Variants in SNRPD1 observed in about 807,000 individuals in gnomAD.
SNRPD1 encodes small nuclear ribonucleoprotein D1 polypeptide.
SNRPD1 carries 1 observed loss-of-function variant against 14.4 expected under a neutral mutation model. The observed-to-expected ratio is 0.07, with a 90% CI of 0.02 to 0.33. The LOEUF (loss-of-function observed/expected upper bound fraction) is 0.33, where lower values mean the gene tolerates loss of function less well. SNRPD1 is among the 10% of genes least tolerant of loss of function. The probability of loss-of-function intolerance (pLI) is 1.00; values close to 1 mark genes in which losing one functional copy is unlikely to be tolerated. For missense variants in SNRPD1, 52 were observed against 146.4 expected (o/e 0.36, Z 3.33); for synonymous variants, 42 against 50.3 (o/e 0.83, Z 0.70).
intron 1 of SNRPD1, among the ~76,000 whole-genome samples, chr18:21,620,559 T>C (rs1041405355): frequency 2.6e-5 from 4 of 152,204 alleles, no homozygotes; most frequent in African/African-American, 9.6e-5. Context: ...AAGACAGATT[T>C]GTGCCTTACA....
intron 3 of SNRPD1, among the ~76,000 whole-genome samples, chr18:21,628,371 T>G (rs2039056040): frequency 6.6e-6 from 1 of 152,104 alleles, no homozygotes; most frequent in Non-Finnish European, 1.5e-5. Context: ...GACCCTGTAT[T>G]TAAAAAACAA....
chr18:21,632,159 G>A lies in SNRPD1; in HGVS notation c.*3021G>A, dbSNP rs1436359902. 2 of 152,042 alleles carry A rather than the reference G, an allele frequency of 1.3e-5. No individual in the cohort carries two copies. Among genetic ancestry groups the A allele is most frequent in the African/African-American group, 4.8e-5 (2 of 41,420 alleles). The allele number at this position is 152,042 out of a possible 1,614,324, so 9.4% of individuals were successfully genotyped here. A position where few individuals can be genotyped will look rare whatever the true frequency, so the allele number is the denominator to read the frequency against. On this transcript the variant is annotated 3_prime_UTR_variant, in exon 4 of 4. Coordinates refer to ENST00000300413, the MANE Select transcript of SNRPD1 (RefSeq NM_006938.4). ...AAATGAAAATGGCCACTTAGCATAA[G>A]AGATCTAAAATTACGTTTTGTCCTG...
intron 3 of SNRPD1, among the ~76,000 whole-genome samples, chr18:21,628,422 A>C (rs2039056436): frequency 6.6e-6 from 1 of 152,162 alleles, no homozygotes; most frequent in Non-Finnish European, 1.5e-5. Context: ...CTATGTCAAG[A>C]TTTTCTAATA....
intron 1 of SNRPD1, among the ~76,000 whole-genome samples, chr18:21,620,948 G>C (rs1052406349): frequency 6.6e-6 from 1 of 152,046 alleles, no homozygotes; most frequent in Non-Finnish European, 1.5e-5. Context: ...TGGATCACGA[G>C]GTCAGAAGAT....
In SNRPD1 at chr18:21,633,127, G is replaced by A. The variant is rs570000488; in HGVS notation, c.*3989G>A. Reference sequence around the variant, plus strand: ...GGCCTCCCAAAGTGCTGGGATTACAGGCGTGAGCCACCGCGTCCGGCCGAA... The same window carrying A: ...GGCCTCCCAAAGTGCTGGGATTACAAGCGTGAGCCACCGCGTCCGGCCGAA... On this transcript the variant is annotated 3_prime_UTR_variant, in exon 4 of 4. Transcript: ENST00000300413. 1 of 152,242 alleles carries A rather than the reference G, an allele frequency of 6.6e-6. No individual in the cohort carries two copies. Among genetic ancestry groups the A allele is most frequent in the East Asian group, 1.9e-4 (1 of 5,184 alleles). The allele number at this position is 152,242 out of a possible 1,614,324, so 9.4% of individuals were successfully genotyped here. A position where few individuals can be genotyped will look rare whatever the true frequency, so the allele number is the denominator to read the frequency against.
At chr18:21,612,890 A>T (rs2038929739) in intron 1 of SNRPD1, among the ~76,000 whole-genome samples, 1 of 152,170 alleles carries the variant, frequency 6.6e-6, no homozygotes, top group Non-Finnish European at 1.5e-5. Context: ...TTAAATAAAG[A>T]TGGTGTCTCA....
At chr18:21,620,464 C>T (rs1162398612) in intron 1 of SNRPD1, among the ~76,000 whole-genome samples, 3 of 151,924 alleles carry the variant, frequency 2.0e-5, no homozygotes, top group Non-Finnish European at 4.4e-5. Flanking sequence ...AAGGGGAGAA[C>T]GGAAATTTAG....
At chr18:21,624,892 A>T (rs556772900) in intron 3 of SNRPD1, among the ~76,000 whole-genome samples, 46 of 152,180 alleles carry the variant, frequency 3.0e-4, no homozygotes, top group African/African-American at 1.0e-3. Context: ...GTACCCTTTA[A>T]ATCATCTCTA....
chr18:21,628,798 A>G (rs777879357), intron 3 of SNRPD1, among the ~76,000 whole-genome samples: 1 of 151,964 alleles, frequency 6.6e-6, no homozygotes, highest in Non-Finnish European at 1.5e-5. Context: ...TAAATTTGAC[A>G]CATTTCTTAG....
chr18:21,632,855 CTT>C lies in SNRPD1; in HGVS notation c.*3729_*3730del, dbSNP rs1555676180. On this transcript the variant is annotated 3_prime_UTR_variant, in exon 4 of 4. Coordinates refer to ENST00000300413, the MANE Select transcript of SNRPD1 (RefSeq NM_006938.4). ...CTTTTCTTTTCTTTTCTTTTCTTTT[CTT>C]TTTTTTTTTTTGAGACAGAGTCTAG... 14 of 134,608 alleles carry C rather than the reference CTT, an allele frequency of 1.0e-4. No homozygotes were observed. Among genetic ancestry groups the C allele is most frequent in the South Asian group, 2.2e-4 (1 of 4,518 alleles). The allele number at this position is 134,608 out of a possible 1,614,324, so 8.3% of individuals were successfully genotyped here. A position where few individuals can be genotyped will look rare whatever the true frequency, so the allele number is the denominator to read the frequency against.
rs768596110 is a variant in SNRPD1, at chr18:21,623,902, T to C, written c.246T>C (p.Asp82=). Residue 82 remains aspartate, a synonymous_variant, in exon 3 of 4, where the codon GAT becomes GAC. Transcript: ENST00000300413. ...TACCTCTGGATACACTACTTGTGGA[T>C]GTTGAACCTAAGGTGAAATCTAAGA... ...DSLPLDTLLV[D]VEPKVKSKKR... is the part of the protein sequence containing the mutation. 3.1e-6 allele frequency: 5 copies of C among 1,603,500 alleles called. No individual in the cohort carries two copies. In the Admixed American group the frequency reaches 8.9e-5, roughly 28 times the overall value.
At chr18:21,619,304 C>T (rs1299166641) in intron 1 of SNRPD1, among the ~76,000 whole-genome samples, 4 of 152,006 alleles carry the variant, frequency 2.6e-5, no homozygotes, top group African/African-American at 9.7e-5. Context: ...CTCAGCCTCC[C>T]CAGTAGCTGG....
rs139445414 is a variant in SNRPD1, at chr18:21,612,438, C to G, written c.9C>G (p.Leu3=). Residue 3 remains leucine (L), a synonymous_variant, in exon 1 of 4, where the codon CTC becomes CTG. Transcript: ENST00000300413. MK[L]VRFLMKLSHE... ...GTGACGGCGCCGCTAGGATGAAGCT[C>G]GTGAGGTGAGGGAGTGACCAAGCAG... 6.4e-7 allele frequency: 1 copy of G among 1,552,136 alleles called. No individual in the cohort carries two copies. The highest frequency in any genetic ancestry group is 1.2e-5 in the South Asian group (1 of 84,870).
chr18:21,626,196 C>T (rs2039037056), intron 3 of SNRPD1, among the ~76,000 whole-genome samples: 1 of 151,010 alleles, frequency 6.6e-6, no homozygotes, highest in African/African-American at 2.4e-5. Flanking sequence ...AGTTCGAGAC[C>T]AGCCCGGGCA....
intron 3 of SNRPD1, among the ~76,000 whole-genome samples, chr18:21,625,135 G>A (rs1203254115): frequency 6.6e-6 from 1 of 151,810 alleles, no homozygotes; most frequent in Admixed American, 6.6e-5. Flanking sequence ...TGTCGTTAGG[G>A]TTATTCTACA....
chr18:21,619,025 A>T (rs894413907), intron 1 of SNRPD1, among the ~76,000 whole-genome samples: 7 of 147,520 alleles, frequency 4.7e-5, no homozygotes, highest in African/African-American at 1.9e-4. Context: ...ATTATAGACT[A>T]AAAGTTTTTA....
At position 21,631,037 on chromosome 18, in the gene SNRPD1, T is replaced by C. The variant is rs991245629; in HGVS notation, c.*1899T>C. 14 of 151,990 alleles carry C rather than the reference T, an allele frequency of 9.2e-5. No homozygotes were observed. The highest frequency in any genetic ancestry group is 1.9e-4 in the African/African-American group (8 of 41,402). The allele number at this position is 151,990 out of a possible 1,614,324, so 9.4% of individuals were successfully genotyped here. The stretch of plus-strand genomic sequence containing the variant: ...AAGTTATATAGTAATTAGCGTTTTT[T>C]CCCCCACAAATTATTGGCAGTGGTC... On this transcript the variant is annotated 3_prime_UTR_variant, in exon 4 of 4. Coordinates refer to ENST00000300413, the MANE Select transcript of SNRPD1 (RefSeq NM_006938.4).
At chr18:21,621,577 A>ATT (rs113670264) in intron 1 of SNRPD1, among the ~76,000 whole-genome samples, 1 of 149,314 alleles carries the variant, frequency 6.7e-6, no homozygotes, top group African/African-American at 2.5e-5. Context: ...ATTTATTTTT[A>ATT]TTTTTTTTTA....
rs1172051888 is a variant in SNRPD1, at chr18:21,630,895, A to ATATATTG, written c.*1758_*1764dup. Reference sequence around the variant, plus strand: ...TCATATATATTAGATATATAAATGTATATATTGGTATAAATAAATACTAGA... The same window carrying ATATATTG: ...TCATATATATTAGATATATAAATGTATATATTGTATATTGGTATAAATAAATACTAGA... On this transcript the variant is annotated 3_prime_UTR_variant, in exon 4 of 4. Coordinates refer to ENST00000300413, the MANE Select transcript of SNRPD1 (RefSeq NM_006938.4). 1 of 149,658 alleles carries ATATATTG rather than the reference A, an allele frequency of 6.7e-6. No individual in the cohort carries two copies. Among genetic ancestry groups the ATATATTG allele is most frequent in the Non-Finnish European group, 1.5e-5 (1 of 67,580 alleles). The allele number at this position is 149,658 out of a possible 1,614,324, so 9.3% of individuals were successfully genotyped here.
Sources: allele counts gnomAD v4.1 joint callset (sites outside exome capture counted in the v4.1 genomes callset), GRCh38; gene constraint gnomAD v4.1.1; transcripts MANE v1.5; gene names NCBI Gene and HGNC (gene_info 2026-07-23, HGNC 2026-07-21).